The following NXPE4 variants were observed in gnomAD, a reference collection of about 807,000 sequenced individuals.
NXPE4 encodes neurexophilin and PC-esterase domain family member 4, also known as NXPE family member 4.
NXPE4 carries 42 observed loss-of-function variants against 33.3 expected under a neutral mutation model. The ratio of observed to expected loss-of-function variants is 1.26; its 90% CI spans 0.98 to 1.63. The LOEUF (loss-of-function observed/expected upper bound fraction) is 1.63, where lower values mean the gene tolerates loss of function less well. Ranked by LOEUF, NXPE4 falls within the 40% of genes most tolerant of loss-of-function variation. NXPE4 has a pLI of 0.00. For synonymous variants in NXPE4, 253 were observed against 234.9 expected (o/e 1.08, Z -0.71); for missense variants, 709 against 647.6 (o/e 1.09, Z -1.03).
chr11:114,591,549 G>A (rs1045630069), intron 2 of NXPE4, among the ~76,000 whole-genome samples: 16 of 152,068 alleles, frequency 1.1e-4, no homozygotes, highest in African/African-American at 3.9e-4. Context: ...AACCTGGGAA[G>A]GCTTCATAAA....
chr11:114,573,531 A>G (rs1948936491), intron 5 of NXPE4, among the ~76,000 whole-genome samples: 1 of 152,108 alleles, frequency 6.6e-6, no homozygotes, highest in Admixed American at 6.6e-5. Context: ...AAGATATTCC[A>G]TGCAAATGGG....
intron 1 of NXPE4, among the ~76,000 whole-genome samples, chr11:114,595,119 C>G (rs1483309242): frequency 6.6e-6 from 1 of 152,106 alleles, no homozygotes; most frequent in Non-Finnish European, 1.5e-5. Context: ...CCCTTAAACT[C>G]AAGGGCAGAC....
At chr11:114,599,775 G>A (rs1189278726), upstream of NXPE4, among the ~76,000 whole-genome samples, 2 of 152,032 alleles carry the variant, frequency 1.3e-5, no homozygotes, top group Admixed American at 1.3e-4. Flanking sequence ...TACCAGTGGG[G>A]GATGGTGCTA....
the NXPE4 span, among the ~76,000 whole-genome samples, chr11:114,637,140 G>C: frequency 5.9e-5 from 9 of 151,616 alleles, no homozygotes; most frequent in African/African-American, 1.9e-4. Flanking sequence ...TATGAATCTA[G>C]GTGCTCCTGT....
At chr11:114,575,579 A>T (rs1020900739) in intron 5 of NXPE4, among the ~76,000 whole-genome samples, 1 of 151,948 alleles carries the variant, frequency 6.6e-6, no homozygotes, top group Non-Finnish European at 1.5e-5. Flanking sequence ...CAAGAGCTCA[A>T]CTCCTTTCAC....
At chr11:114,655,763 A>G in the NXPE4 span, among the ~76,000 whole-genome samples, 1 of 152,130 alleles carries the variant, frequency 6.6e-6, no homozygotes, top group Non-Finnish European at 1.5e-5. Flanking sequence ...TGTCAAGAAA[A>G]ACCTCTCAAC....
At chr11:114,642,912 C>T in the NXPE4 span, among the ~76,000 whole-genome samples, 1 of 152,220 alleles carries the variant, frequency 6.6e-6, no homozygotes, top group South Asian at 2.1e-4. Flanking sequence ...TCTCCACATG[C>T]TCTCCAGCAT....
the NXPE4 span, among the ~76,000 whole-genome samples, chr11:114,654,585 T>A: frequency 6.6e-6 from 1 of 152,124 alleles, no homozygotes; most frequent in African/African-American, 2.4e-5. Context: ...TGGCCCTCTG[T>A]TCCTGTGTTA....
the NXPE4 span, among the ~76,000 whole-genome samples, chr11:114,643,781 T>C: frequency 3.5e-3 from 527 of 152,030 alleles, 1 homozygote; most frequent in Non-Finnish European, 4.9e-3. Flanking sequence ...GTAGTTTTTT[T>C]TTTAATAATT....
chr11:114,591,603 A>G (rs754758100), intron 2 of NXPE4, among the ~76,000 whole-genome samples: 1 of 152,138 alleles, frequency 6.6e-6, no homozygotes, highest in Non-Finnish European at 1.5e-5. Context: ...AGAATGGGCC[A>G]TTTCTCGAGG....
the NXPE4 span, among the ~76,000 whole-genome samples, chr11:114,619,774 T>G: frequency 1.3e-5 from 2 of 152,120 alleles, no homozygotes; most frequent in Non-Finnish European, 2.9e-5. Flanking sequence ...TGTTACCAGG[T>G]GGATAATAAG....
At chr11:114,577,240 G>A (rs1283058784) in intron 5 of NXPE4, among the ~76,000 whole-genome samples, 1 of 150,118 alleles carries the variant, frequency 6.7e-6, no homozygotes, top group Non-Finnish European at 1.5e-5. Context: ...TGAAAGAATG[G>A]CATGTGCAGC....
chr11:114,609,859 C>CCACT, the NXPE4 span, among the ~76,000 whole-genome samples: 5 of 145,416 alleles, frequency 3.4e-5, no homozygotes, highest in African/African-American at 1.3e-4. Flanking sequence ...TATTGCCTCG[C>CCACT]GGGTAACCAC....
chr11:114,659,709 T>C, the NXPE4 span, among the ~76,000 whole-genome samples: 1 of 152,140 alleles, frequency 6.6e-6, no homozygotes, highest in Non-Finnish European at 1.5e-5. Flanking sequence ...TAAATACATG[T>C]ATTAGAAAAG....
chr11:114,587,943 C>G (rs1033984287), intron 2 of NXPE4, among the ~76,000 whole-genome samples: 1 of 152,314 alleles, frequency 6.6e-6, no homozygotes, highest in East Asian at 1.9e-4. Flanking sequence ...AATTTTAATA[C>G]TATCCAACAA....
At chr11:114,583,693 A>G (rs748621623) in intron 2 of NXPE4, 12 of 577,412 alleles carry the variant, frequency 2.1e-5, no homozygotes, top group South Asian at 5.5e-5. Flanking sequence ...AGTTCAAGGC[A>G]TCTGGCTTCT....
At chr11:114,662,030 C>T in the NXPE4 span, among the ~76,000 whole-genome samples, 50 of 152,218 alleles carry the variant, frequency 3.3e-4, 1 homozygote, top group East Asian at 1.7e-3. Flanking sequence ...ACCTACCCCC[C>T]GCAAGGACAC....
chr11:114,601,438 T>C, the NXPE4 span, among the ~76,000 whole-genome samples: 1 of 129,190 alleles, frequency 7.7e-6, no homozygotes, highest in African/African-American at 2.9e-5. Context: ...TTTTTAAATT[T>C]ATGTATATAT....
chr11:114,633,397 A>G, the NXPE4 span, among the ~76,000 whole-genome samples: 103 of 144,758 alleles, frequency 7.1e-4, 2 homozygotes, highest in African/African-American at 2.6e-3. Context: ...TATATATTAT[A>G]TATTATATTT....
Sources: allele counts gnomAD v4.1 joint callset (sites outside exome capture counted in the v4.1 genomes callset), GRCh38; gene constraint gnomAD v4.1.1; transcripts MANE v1.5; gene names NCBI Gene and HGNC (gene_info 2026-07-23, HGNC 2026-07-21).